FPR3: variants seen among roughly 807,000 people sequenced by gnomAD.
The protein encoded by FPR3 is N-formyl peptide receptor 3.
For synonymous variants in FPR3, 135 were observed against 163.6 expected (o/e 0.83, Z 1.34); for missense variants, 346 against 443.2 (o/e 0.78, Z 1.97).
chr19:51,818,136 T>A (rs1026302179), intron 1 of FPR3, among the ~76,000 whole-genome samples: 2 of 152,230 alleles, frequency 1.3e-5, no homozygotes, highest in African/African-American at 4.8e-5. Context: ...GAGTGCTTGC[T>A]ATTTTTCTCA....
chr19:51,816,907 A>G (rs1347407143), intron 1 of FPR3, among the ~76,000 whole-genome samples: 1 of 152,108 alleles, frequency 6.6e-6, no homozygotes, highest in Non-Finnish European at 1.5e-5. Flanking sequence ...TAGAGAAGTG[A>G]GTTTTTGCTT....
Position 51,823,845 on chromosome 19 carries a change from C to T in FPR3, c.97C>T (p.His33Tyr), listed in dbSNP as rs1002074327. 1.2e-6 allele frequency: 2 copies of T among 1,614,006 alleles called. No individual in the cohort carries two copies. Among genetic ancestry groups the T allele is most frequent in the Non-Finnish European group, 1.7e-6 (2 of 1,179,968 alleles). ...TVLWIFSLLV[H>Y]GVTFVFGVLG... The stretch of plus-strand genomic sequence containing the variant: ...TCTGTGGATCTTCTCATTGCTAGTC[C>T]ACGGAGTCACCTTTGTCTTCGGGGT... Residue 33 changes from histidine (H) to tyrosine (Y), a missense_variant, in exon 2 of 2, where the codon CAC becomes TAC. His to Tyr is a moderately conservative substitution (Grantham distance 83). Coordinates refer to ENST00000339223, the MANE Select transcript of FPR3 (RefSeq NM_002030.5).
intron 1 of FPR3, 24 bp from the exon 2 acceptor site, chr19:51,823,715 A>G: frequency 2.0e-6 from 3 of 1,511,978 alleles, no homozygotes; most frequent in Non-Finnish European, 1.8e-6. Context: ...CAGCTGAGAA[A>G]TGGCCATTGC....
intron 1 of FPR3, among the ~76,000 whole-genome samples, chr19:51,798,332 G>A (rs533481135): frequency 5.9e-5 from 9 of 152,178 alleles, no homozygotes; most frequent in East Asian, 3.9e-4. Flanking sequence ...CAGGGGTGCC[G>A]CTAAACATCC....
At chr19:51,810,731 AAC>A (rs769054014) in intron 1 of FPR3, among the ~76,000 whole-genome samples, 38 of 152,298 alleles carry the variant, frequency 2.5e-4, no homozygotes, top group Non-Finnish European at 5.1e-4. Flanking sequence ...CATAGCACCA[AAC>A]ACAGATTCTA....
intron 1 of FPR3, among the ~76,000 whole-genome samples, chr19:51,806,954 C>A (rs1007715509): frequency 3.9e-5 from 6 of 152,210 alleles, no homozygotes; most frequent in Non-Finnish European, 5.9e-5. Flanking sequence ...TACCTAACAT[C>A]GGGCGTAGCC....
In FPR3 at chr19:51,797,877, C is replaced by CTTTTTTTTTTTTTTTT. The variant is rs753127261; in HGVS notation, c.-11+2554_-11+2569dup. Among the ~76,000 whole-genome samples the CTTTTTTTTTTTTTTTT allele has an allele frequency of 4.8e-4, 34 of 71,508 alleles. 3 individuals are homozygous for CTTTTTTTTTTTTTTTT. Among genetic ancestry groups the CTTTTTTTTTTTTTTTT allele is most frequent in the African/African-American group, 6.4e-4 (11 of 17,118 alleles). 46.9% of individuals were successfully genotyped at this position (71,508 alleles called of 152,430 possible). A position where few individuals can be genotyped will look rare whatever the true frequency, so the allele number is the denominator to read the frequency against. On this transcript the variant is annotated intron_variant, in intron 1 of 1. Transcript: ENST00000339223. ...ATCCTAGATGATTTCCATGTCTATTCTTTTTTTTTTTTTTTTTTTTTTTGA... is the reference window on the plus strand; with the variant it reads ...ATCCTAGATGATTTCCATGTCTATTCTTTTTTTTTTTTTTTTTTTTTTTTTTTTTTTTTTTTTTTGA...
chr19:51,804,690 A>G (rs2084045934), intron 1 of FPR3: 1 of 152,210 alleles, frequency 6.6e-6, no homozygotes, highest in African/African-American at 2.4e-5. Context: ...GTTATATATG[A>G]GGATCTATCG....
intron 1 of FPR3, among the ~76,000 whole-genome samples, chr19:51,797,597 G>A (rs1043509755): frequency 3.3e-5 from 5 of 152,020 alleles, no homozygotes; most frequent in African/African-American, 7.3e-5. Context: ...AATATTCACC[G>A]TGTCTCAGGG....
rs546946932 is a variant in FPR3 at position 51,821,621 on chromosome 19, G to GA, written c.-10-2112dup. ...GAAGGAAGAGAGAAAGGGAAAGGAG[G>GA]AAAAAACCATGATACTAGGGTATGA... On this transcript the variant is annotated intron_variant, in intron 1 of 1. Transcript: ENST00000339223. 1.6e-4 allele frequency among the ~76,000 whole-genome samples: 25 copies of GA among 152,066 alleles called. No individual in the cohort carries two copies. In the East Asian group the frequency reaches 4.6e-3, roughly 28 times the overall value.
At chr19:51,807,289 G>A (rs1336877131) in intron 1 of FPR3, among the ~76,000 whole-genome samples, 3 of 152,130 alleles carry the variant, frequency 2.0e-5, no homozygotes, top group Non-Finnish European at 2.9e-5. Flanking sequence ...AACAGTAGGC[G>A]CTAGATTTCT....
chr19:51,796,839 G>T (rs2084002419), intron 1 of FPR3, among the ~76,000 whole-genome samples: 2 of 152,180 alleles, frequency 1.3e-5, no homozygotes, highest in African/African-American at 2.4e-5. Flanking sequence ...CACGGGGAGA[G>T]GTTTTATCAG....
intron 1 of FPR3, among the ~76,000 whole-genome samples, chr19:51,819,838 G>C (rs1169075402): frequency 6.6e-6 from 1 of 152,140 alleles, no homozygotes; most frequent in African/African-American, 2.4e-5. Context: ...GGAAGGGATA[G>C]GATAATGGTT....
intron 1 of FPR3, chr19:51,805,086 A>C (rs1012349889): frequency 1.3e-5 from 2 of 152,206 alleles, no homozygotes; most frequent in Admixed American, 1.3e-4. Context: ...TATTCATGAT[A>C]AACAGTTTGC....
rs75316521 is a variant in FPR3 at position 51,818,380 on chromosome 19, G to A, written c.-10-5359G>A. 9.7e-3 allele frequency among the ~76,000 whole-genome samples: 1,478 copies of A among 152,222 alleles called. 11 individuals are homozygous for A. The highest frequency in any genetic ancestry group is 0.024 in the Middle Eastern group (7 of 294). ...AAACTATAAGACACAAACACGGCCC[G>A]TGTTTACAGACCACATTGTGTTTCC... On this transcript the variant is annotated intron_variant, in intron 1 of 1. Transcript: ENST00000339223.
intron 1 of FPR3, among the ~76,000 whole-genome samples, chr19:51,799,888 A>C (rs750832310): frequency 3.2e-4 from 48 of 152,336 alleles, no homozygotes; most frequent in Admixed American, 7.2e-4. Context: ...TCTAAGTAGC[A>C]AAGTACTGGC....
chr19:51,811,574 C>G (rs1231395625), intron 1 of FPR3: 1 of 152,192 alleles, frequency 6.6e-6, no homozygotes, highest in Non-Finnish European at 1.5e-5. Flanking sequence ...TCCTCATAGT[C>G]CCGTGTTCAG....
At chr19:51,798,593 A>G (rs183232005) in intron 1 of FPR3, among the ~76,000 whole-genome samples, 124 of 152,334 alleles carry the variant, frequency 8.1e-4, no homozygotes, top group African/African-American at 2.7e-3. Flanking sequence ...TTGAGCGTGC[A>G]AAGGTAGTGG....
intron 1 of FPR3, among the ~76,000 whole-genome samples, chr19:51,821,515 A>G (rs927904587): frequency 6.6e-5 from 10 of 152,178 alleles, no homozygotes; most frequent in Non-Finnish European, 1.3e-4. Flanking sequence ...TGTAGTGCCA[A>G]CGTTGAGAAA....
Sources: gnomAD v4.1 joint callset for allele counts (sites outside exome capture counted in the v4.1 genomes callset) on GRCh38, gnomAD v4.1.1 for gene constraint, MANE v1.5 for transcripts, NCBI Gene and HGNC (gene_info 2026-07-23, HGNC 2026-07-21) for gene names.